SUMF1: variants seen among roughly 807,000 people sequenced by gnomAD.
SUMF1 encodes formylglycine-generating enzyme.
In SUMF1, 48 loss-of-function variants were observed where a neutral mutation model predicts 47.6. That is an observed-to-expected ratio of 1.01 (90% confidence interval 0.80 to 1.28). The LOEUF is 1.28. Ranked by LOEUF, SUMF1 falls within the 50% of genes most tolerant of loss-of-function variation. SUMF1 has a pLI of 0.00. For synonymous variants in SUMF1, 230 were observed against 192.1 expected (o/e 1.20, Z -1.63); for missense variants, 571 against 485.4 (o/e 1.18, Z -1.66).
In SUMF1 at chr3:4,253,829, G is replaced by C. The variant is rs570785660; in HGVS notation, c.1014+122501C>G. Among the ~76,000 whole-genome samples, 1,011 of 148,736 alleles carry C rather than the reference G, an allele frequency of 6.8e-3. 15 individuals are homozygous for C. The highest frequency in any genetic ancestry group is 0.024 in the African/African-American group (955 of 39,690). On this transcript the variant is annotated intron_variant and NMD_transcript_variant, in intron 8 of 12. Coordinates refer to the SUMF1 transcript ENST00000448413. ...GGGGCAGGGCACAGACAAACAAAAA[G>C]ACAGCAGTAACCTCTGCAGACTTAA...
At chr3:4,157,760 G>A (rs1265762342) in intron 8 of SUMF1, among the ~76,000 whole-genome samples, 1 of 151,484 alleles carries the variant, frequency 6.6e-6, no homozygotes. Context: ...ACAGAAATGA[G>A]ACAGACAGGC....
chr3:4,058,263 T>G (rs950132572), intron 9 of SUMF1, among the ~76,000 whole-genome samples: 2 of 152,176 alleles, frequency 1.3e-5, no homozygotes, highest in African/African-American at 2.4e-5. Flanking sequence ...ACACATATAT[T>G]CTGCCCGACT....
rs1176617890 is a variant in SUMF1 at position 4,361,394 on chromosome 3, A to C, written c.*750T>G. On this transcript the variant is annotated 3_prime_UTR_variant, in exon 9 of 9. Transcript: ENST00000272902. Reference sequence around the variant, plus strand: ...AGCTTATGACTGCCCCTCTGAACCAAAGGCACTTAATGTTAAAAGATAAAG... The same window carrying C: ...AGCTTATGACTGCCCCTCTGAACCACAGGCACTTAATGTTAAAAGATAAAG... 6.6e-6 allele frequency: 1 copy of C among 152,650 alleles called. No individual in the cohort carries two copies. Among genetic ancestry groups the C allele is most frequent in the Admixed American group, 6.5e-5 (1 of 15,276 alleles). The allele number at this position is 152,650 out of a possible 1,614,324, so 9.5% of individuals were successfully genotyped here.
intron 8 of SUMF1, among the ~76,000 whole-genome samples, chr3:4,265,063 G>T (rs1174387836): frequency 1.3e-5 from 2 of 150,358 alleles, no homozygotes; most frequent in Non-Finnish European, 3.0e-5. Flanking sequence ...CTTGAACCCG[G>T]GAGGTGGAGG....
intron 7 of SUMF1, among the ~76,000 whole-genome samples, chr3:4,405,289 G>T (rs1292890945): frequency 6.6e-6 from 1 of 152,216 alleles, no homozygotes; most frequent in Non-Finnish European, 1.5e-5. Flanking sequence ...AATGTGCTAT[G>T]TGTGGATAGG....
chr3:4,316,463 T>TC (rs1698651729), intron 8 of SUMF1: 10 of 1,604,578 alleles, frequency 6.2e-6, no homozygotes, highest in Non-Finnish European at 6.8e-6. Context: ...TCGAAGCTGA[T>TC]CCCCTTACAA....
intron 8 of SUMF1, chr3:4,313,783 C>T: frequency 1.2e-6 from 2 of 1,613,660 alleles, no homozygotes; most frequent in Non-Finnish European, 1.7e-6. Context: ...CAGTGATAAG[C>T]AGCTTGCCCC....
At chr3:4,181,773 C>T (rs544539012) in intron 8 of SUMF1, among the ~76,000 whole-genome samples, 60 of 152,206 alleles carry the variant, frequency 3.9e-4, no homozygotes, top group African/African-American at 1.3e-3. Flanking sequence ...GCTCCAAGAA[C>T]CCAGGACCAC....
At chr3:4,384,341 T>C (rs911578230) in intron 7 of SUMF1, among the ~76,000 whole-genome samples, 2 of 152,156 alleles carry the variant, frequency 1.3e-5, no homozygotes, top group Non-Finnish European at 2.9e-5. Context: ...TATCCAGTTT[T>C]CCCCAATGGC....
Position 4,078,647 on chromosome 3 carries a change from C to G in SUMF1, c.1015-9902G>C, listed in dbSNP as rs543959740. 1.8e-4 allele frequency among the ~76,000 whole-genome samples: 27 copies of G among 152,064 alleles called. No homozygotes were observed. In the South Asian group the frequency reaches 5.4e-3, roughly 30 times the overall value. ...GTAGCTCCCACCTATAATCCCAGCACTTTGGGAGGCCACAGCAGGAGAATC... is the reference window on the plus strand; with the variant it reads ...GTAGCTCCCACCTATAATCCCAGCAGTTTGGGAGGCCACAGCAGGAGAATC... On this transcript the variant is annotated intron_variant and NMD_transcript_variant, in intron 8 of 12. Coordinates refer to the SUMF1 transcript ENST00000448413.
chr3:4,242,828 G>A (rs950920012), intron 8 of SUMF1, among the ~76,000 whole-genome samples: 3 of 152,164 alleles, frequency 2.0e-5, no homozygotes, highest in Admixed American at 1.3e-4. Flanking sequence ...CTATTGATTG[G>A]AATAGTTTTC....
chr3:4,104,913 G>C (rs1693123508), intron 8 of SUMF1, among the ~76,000 whole-genome samples: 1 of 152,034 alleles, frequency 6.6e-6, no homozygotes, highest in Non-Finnish European at 1.5e-5. Context: ...ATGTTGAAGA[G>C]ATACCTACAT....
chr3:4,199,064 A>G (rs1695489037), intron 8 of SUMF1, among the ~76,000 whole-genome samples: 1 of 145,930 alleles, frequency 6.9e-6, no homozygotes, highest in Non-Finnish European at 1.5e-5. Flanking sequence ...GAGTTTAGGT[A>G]AATGTATGCA....
chr3:4,343,507 T>C lies in SUMF1; in HGVS notation c.1014+32823A>G, dbSNP rs1184955443. 2.0e-5 allele frequency among the ~76,000 whole-genome samples: 3 copies of C among 152,194 alleles called. No individual in the cohort carries two copies. The South Asian group carries it at 6.2e-4, about 31-fold the overall frequency. ...GACCAATTAGCATACCCCAGGGTTG[T>C]ATTTCAGCCACAGAAAGCAGAGAAT... On this transcript the variant is annotated intron_variant and NMD_transcript_variant, in intron 8 of 12. Transcript: ENST00000448413.
intron 8 of SUMF1, among the ~76,000 whole-genome samples, chr3:4,224,586 G>C (rs13089862): frequency 0.38 from 57,757 of 151,724 alleles, 11,542 homozygotes; most frequent in Non-Finnish European, 0.45. Flanking sequence ...AGGGGGCCAA[G>C]ATTCAGGATG....
At chr3:4,119,192 C>T (rs1693484657) in intron 8 of SUMF1, among the ~76,000 whole-genome samples, 1 of 152,150 alleles carries the variant, frequency 6.6e-6, no homozygotes, top group African/African-American at 2.4e-5. Flanking sequence ...GGACTGCTCT[C>T]TCCGCCTACA....
At position 4,438,229 on chromosome 3, in the gene SUMF1, CAAAA is replaced by C. The variant is rs200027047; in HGVS notation, c.519+11033_519+11036del. Reference sequence around the variant, plus strand: ...ATATTAATTTCAATAGCTATAAGAGCAAAAAAAAAAAAAGATCTCATAGAAATAC... The same window carrying C: ...ATATTAATTTCAATAGCTATAAGAGCAAAAAAAAAGATCTCATAGAAATAC... On this transcript the variant is annotated intron_variant, in intron 3 of 8. Coordinates refer to ENST00000272902, the MANE Select transcript of SUMF1 (RefSeq NM_182760.4). Among the ~76,000 whole-genome samples the C allele has an allele frequency of 2.2e-4, 30 of 134,638 alleles. 2 individuals are homozygous for C. The highest frequency in any genetic ancestry group is 1.1e-3 in the South Asian group (5 of 4,630). 88.3% of individuals were successfully genotyped at this position (134,638 alleles called of 152,430 possible).
At chr3:4,134,710 T>C (rs1271889330) in intron 8 of SUMF1, among the ~76,000 whole-genome samples, 3 of 151,862 alleles carry the variant, frequency 2.0e-5, no homozygotes, top group Non-Finnish European at 2.9e-5. Context: ...ATCAACAAAA[T>C]TGATAGTCCA....
chr3:4,110,425 G>C (rs186162807), intron 8 of SUMF1, among the ~76,000 whole-genome samples: 2 of 152,096 alleles, frequency 1.3e-5, no homozygotes, highest in African/African-American at 4.8e-5. Context: ...CATTGTGGAA[G>C]ACAGTGCGGC....
Sources: gnomAD v4.1 joint callset for allele counts (sites outside exome capture counted in the v4.1 genomes callset) on GRCh38, gnomAD v4.1.1 for gene constraint, MANE v1.5 for transcripts, NCBI Gene and HGNC (gene_info 2026-07-23, HGNC 2026-07-21) for gene names.